The following PCDHGB5 variants were observed in gnomAD, a reference collection of about 807,000 sequenced individuals.
PCDHGB5 encodes protocadherin gamma-B5.
In PCDHGB5, 48 loss-of-function variants were observed where a neutral mutation model predicts 62.9. The observed-to-expected ratio is 0.76, with a 90% CI of 0.61 to 0.97. The LOEUF (loss-of-function observed/expected upper bound fraction) is 0.97, where lower values mean the gene tolerates loss of function less well. PCDHGB5 is among the 50% of genes least tolerant of loss of function. The pLI is 0.00. For missense variants in PCDHGB5, 1,118 were observed against 1,198.6 expected (o/e 0.93, Z 0.99); for synonymous variants, 474 against 511.2 (o/e 0.93, Z 0.98).
intron 1 of PCDHGB5, chr5:141,409,203 T>C: frequency 1.2e-6 from 2 of 1,613,964 alleles, no homozygotes; most frequent in Non-Finnish European, 1.7e-6. Flanking sequence ...TGTAAAGTAA[T>C]CATAGAAATC....
chr5:141,443,064 G>A (rs76234738), intron 1 of PCDHGB5, among the ~76,000 whole-genome samples: 48 of 152,264 alleles, frequency 3.2e-4, no homozygotes, highest in African/African-American at 1.1e-3. Context: ...ACTGAAGAGC[G>A]TCTTATGACT....
At position 141,398,523 on chromosome 5, in the gene PCDHGB5, A is replaced by T. The variant is rs988295276; in HGVS notation, c.396A>T (p.Lys132Asn). Residue 132 changes from lysine (K) to asparagine (N), a missense_variant, in exon 1 of 4, where the codon AAA becomes AAT. Lys to Asn is a moderately conservative substitution (Grantham distance 94). Transcript: ENST00000617380. ...EIEDINDHTP[K>N]FTQNSFELQI... ...AGGACATTAATGACCACACGCCAAAATTCACGCAAAATTCCTTTGAGCTGC... is the reference window on the plus strand; with the variant it reads ...AGGACATTAATGACCACACGCCAAATTTCACGCAAAATTCCTTTGAGCTGC... The T allele has an allele frequency of 6.2e-7, 1 of 1,613,602 alleles. No homozygotes were observed. Among genetic ancestry groups the T allele is most frequent in the Non-Finnish European group, 8.5e-7 (1 of 1,179,814 alleles).
intron 1 of PCDHGB5, among the ~76,000 whole-genome samples, chr5:141,452,575 T>A (rs1386847800): frequency 6.6e-6 from 1 of 152,192 alleles, no homozygotes; most frequent in Non-Finnish European, 1.5e-5. Flanking sequence ...CCTTCCCCCT[T>A]TCCATCTTTG....
intron 1 of PCDHGB5, chr5:141,412,049 T>C (rs2095532088): frequency 1.3e-5 from 2 of 152,256 alleles, no homozygotes; most frequent in Admixed American, 1.3e-4. Flanking sequence ...AGTGAACTTC[T>C]ATACCCTTTG....
At chr5:141,428,613 C>T (rs1247239314) in intron 1 of PCDHGB5, 1 of 212,608 alleles carries the variant, frequency 4.7e-6, no homozygotes, top group African/African-American at 2.3e-5. Flanking sequence ...AAGAGAATAA[C>T]AAGATAAGCT....
chr5:141,415,163 C>G (rs572456395), intron 1 of PCDHGB5: 11 of 1,613,856 alleles, frequency 6.8e-6, no homozygotes, highest in African/African-American at 1.3e-5. Context: ...GCCACTGTCA[C>G]GCTCACCGTG....
chr5:141,474,499 C>T (rs1480109147), intron 1 of PCDHGB5, among the ~76,000 whole-genome samples: 1 of 152,198 alleles, frequency 6.6e-6, no homozygotes, highest in Non-Finnish European at 1.5e-5. Context: ...TCTTCTAATG[C>T]CTATCAGCCC....
In PCDHGB5 at chr5:141,493,482, G is replaced by T. The variant is rs184736387; in HGVS notation, c.2398-1325G>T. The stretch of plus-strand genomic sequence containing the variant: ...TTTTAGGACCTTACATGTGGGGAAA[G>T]TCTTCTGTGGCTCCTCATTTCTGAG... On this transcript the variant is annotated intron_variant, in intron 1 of 3. Coordinates refer to ENST00000617380, the MANE Select transcript of PCDHGB5 (RefSeq NM_018925.3). The surrounding 1 kb of genome is among the most constrained non-coding windows in gnomAD (Gnocchi z 4.3). 6.6e-6 allele frequency among the ~76,000 whole-genome samples: 1 copy of T among 152,206 alleles called. No individual in the cohort carries two copies. Among genetic ancestry groups the T allele is most frequent in the Admixed American group, 6.5e-5 (1 of 15,282 alleles).
chr5:141,511,733 T>C lies in PCDHGB5; in HGVS notation c.*560T>C, dbSNP rs1032711521. 9 of 177,040 alleles carry C rather than the reference T, an allele frequency of 5.1e-5. No individual in the cohort carries two copies. The highest frequency in any genetic ancestry group is 8.7e-5 in the Non-Finnish European group (7 of 80,868). The allele number at this position is 177,040 out of a possible 1,614,324, so 11.0% of individuals were successfully genotyped here. ...TCCTTCCAGAGCCCAAGATCAATGC[T>C]CAAGTTTTGGAGGACATGATCACCA... On this transcript the variant is annotated 3_prime_UTR_variant, in exon 4 of 4. Transcript: ENST00000617380.
At chr5:141,413,219 G>C in intron 1 of PCDHGB5, 1 of 1,613,506 alleles carries the variant, frequency 6.2e-7, no homozygotes, top group Non-Finnish European at 8.5e-7. Context: ...AAGGATTGCA[G>C]CGGGCTGGTC....
Position 141,432,538 on chromosome 5 carries a change from G to T in PCDHGB5, c.2397+32014G>T, listed in dbSNP as rs200601557. 1 of 1,613,908 alleles carries T rather than the reference G, an allele frequency of 6.2e-7. No individual in the cohort carries two copies. Among genetic ancestry groups the T allele is most frequent in the African/African-American group, 1.3e-5 (1 of 74,936 alleles). Reference sequence around the variant, plus strand: ...GCTACCTGGTGACCAAGGTGGTGGCGGTGGACAGAGACTCCGGCCAGAACG... The same window carrying T: ...GCTACCTGGTGACCAAGGTGGTGGCTGTGGACAGAGACTCCGGCCAGAACG... On this transcript the variant is annotated intron_variant, in intron 1 of 3. Coordinates refer to ENST00000617380, the MANE Select transcript of PCDHGB5 (RefSeq NM_018925.3). This position sits in a 1 kb window ranked among gnomAD's most constrained non-coding sequence, Gnocchi z 6.0.
At chr5:141,504,529 G>A (rs1333393859) in intron 2 of PCDHGB5, among the ~76,000 whole-genome samples, 1 of 151,900 alleles carries the variant, frequency 6.6e-6, no homozygotes, top group African/African-American at 2.4e-5. Context: ...TATTTTATTC[G>A]TGTCATCATG....
intron 1 of PCDHGB5, chr5:141,403,017 T>C: frequency 6.2e-7 from 1 of 1,614,064 alleles, no homozygotes; most frequent in South Asian, 1.1e-5. Context: ...CTCCTGGGGA[T>C]GCTATGGGAG....
intron 1 of PCDHGB5, chr5:141,411,430 A>C (rs918915726): frequency 6.6e-6 from 1 of 151,188 alleles, no homozygotes; most frequent in Admixed American, 6.6e-5. Context: ...CAACAAAAAA[A>C]AACATTAGCA....
intron 1 of PCDHGB5, chr5:141,492,069 C>A (rs1595083522): frequency 2.1e-6 from 1 of 475,880 alleles, no homozygotes; most frequent in East Asian, 3.3e-5. Context: ...GCCTCCTAGG[C>A]GCCGGCTCCG....
chr5:141,455,140 A>G (rs1465733732), intron 1 of PCDHGB5, among the ~76,000 whole-genome samples: 1 of 150,512 alleles, frequency 6.6e-6, no homozygotes, highest in Non-Finnish European at 1.5e-5. Context: ...ACACTGTGTT[A>G]AATAAATATT....
At chr5:141,423,102 C>T (rs778561065) in intron 1 of PCDHGB5, 7 of 1,613,920 alleles carry the variant, frequency 4.3e-6, no homozygotes, top group Non-Finnish European at 4.2e-6. Context: ...AGCACACGGG[C>T]GAGGTGCGTA....
Position 141,511,253 on chromosome 5 carries a change from A to G in PCDHGB5, c.*80A>G. The G allele has an allele frequency of 1.3e-6, 2 of 1,568,402 alleles. No homozygotes were observed. The highest frequency in any genetic ancestry group is 1.7e-6 in the Non-Finnish European group (2 of 1,157,066). On this transcript the variant is annotated 3_prime_UTR_variant, in exon 4 of 4. Coordinates refer to ENST00000617380, the MANE Select transcript of PCDHGB5 (RefSeq NM_018925.3). ...CTCCTTACCTGCACCCAGGCCTCAG[A>G]GTTTCAGGGCTAACCCCCAGAATAC...
chr5:141,502,900 T>C (rs1433421797), intron 2 of PCDHGB5, among the ~76,000 whole-genome samples: 2 of 147,288 alleles, frequency 1.4e-5, no homozygotes, highest in Non-Finnish European at 3.0e-5. Flanking sequence ...TCTAGCTCTG[T>C]TGCCAGGCTG....
Sources: allele counts gnomAD v4.1 joint callset (sites outside exome capture counted in the v4.1 genomes callset), GRCh38; gene constraint gnomAD v4.1.1; non-coding constraint Gnocchi (gnomAD v3.1); transcripts MANE v1.5; gene names NCBI Gene and HGNC (gene_info 2026-07-23, HGNC 2026-07-21).